PELI2: variants seen among roughly 807,000 people sequenced by gnomAD.
PELI2 encodes E3 ubiquitin-protein ligase pellino homolog 2.
Under a neutral mutation model 42.3 loss-of-function variants are expected in PELI2, and 23 were observed. The ratio of observed to expected loss-of-function variants is 0.54; its 90% CI spans 0.39 to 0.77. The LOEUF (loss-of-function observed/expected upper bound fraction) is 0.77. Among genes scored for constraint, PELI2 ranks in the 30% least tolerant of loss-of-function variants. The pLI, the probability that PELI2 is intolerant of heterozygous loss-of-function variation, is 0.00. For synonymous variants in PELI2, 245 were observed against 212.2 expected (o/e 1.15, Z -1.34); for missense variants, 463 against 553.2 (o/e 0.84, Z 1.64).
intron 1 of PELI2, among the ~76,000 whole-genome samples, chr14:56,167,431 G>C (rs1024107260): frequency 6.6e-6 from 1 of 151,844 alleles, no homozygotes; most frequent in African/African-American, 2.4e-5. Flanking sequence ...AAATTCTTCA[G>C]CTTGATCCAC....
At chr14:56,168,358 T>C (rs998163971) in intron 1 of PELI2, among the ~76,000 whole-genome samples, 2 of 152,174 alleles carry the variant, frequency 1.3e-5, no homozygotes, top group African/African-American at 4.8e-5. Context: ...TTCTATTTTA[T>C]TGTGGCTGAG....
intron 1 of PELI2, among the ~76,000 whole-genome samples, chr14:56,165,422 A>G (rs1280396204): frequency 6.6e-6 from 1 of 152,062 alleles, no homozygotes. Context: ...ATGTTTTAAG[A>G]CTTGTTTAAC....
chr14:56,178,589 G>T, intron 2 of PELI2, 125 bp downstream of exon 2: 2 of 1,104,146 alleles, frequency 1.8e-6, no homozygotes, highest in Non-Finnish European at 2.7e-6. Flanking sequence ...TTTGAGGCTG[G>T]ATAATGCTTT....
chr14:56,177,291 C>T (rs928384802), intron 1 of PELI2, among the ~76,000 whole-genome samples: 10 of 152,212 alleles, frequency 6.6e-5, no homozygotes, highest in Non-Finnish European at 8.8e-5. Flanking sequence ...CGGCCACTCC[C>T]TTCTGGGTGT....
intron 1 of PELI2, among the ~76,000 whole-genome samples, chr14:56,134,835 T>C (rs1883629808): frequency 1.3e-5 from 2 of 152,060 alleles, no homozygotes; most frequent in African/African-American, 4.8e-5. Flanking sequence ...AAACCATCTT[T>C]TTTGTGTTTT....
chr14:56,212,006 G>C lies in PELI2; in HGVS notation c.207+33542G>C, dbSNP rs527299573. Among the ~76,000 whole-genome samples, 104 of 152,280 alleles carry C rather than the reference G, an allele frequency of 6.8e-4. 3 individuals carry two copies. The South Asian group carries it at 0.021, about 31-fold the overall frequency. On this transcript the variant is annotated intron_variant, in intron 2 of 5. Coordinates refer to ENST00000267460, the MANE Select transcript of PELI2 (RefSeq NM_021255.3). ...GAGACCTTCATTTAGTCAGCACATT[G>C]TATCAAGAGCCTCTTATGTGCTGGG...
intron 2 of PELI2, among the ~76,000 whole-genome samples, chr14:56,199,099 A>G (rs955975163): frequency 2.6e-5 from 4 of 152,132 alleles, no homozygotes; most frequent in African/African-American, 7.2e-5. Flanking sequence ...TTTACCTTGT[A>G]TCTTTCCCCC....
rs865972622 is a variant in PELI2 at position 56,118,702 on chromosome 14, G to A, written c.42G>A (p.Lys14=). The A allele has an allele frequency of 6.5e-7, 1 of 1,529,284 alleles. No individual in the cohort carries two copies. The highest frequency in any genetic ancestry group is 8.8e-7 in the Non-Finnish European group (1 of 1,138,162). The allele number at this position is 1,529,284 out of a possible 1,614,324, so 94.7% of individuals were successfully genotyped here. Residue 14 remains lysine (K), a synonymous_variant, in exon 1 of 6, where the codon AAG becomes AAA. Coordinates refer to ENST00000267460, the MANE Select transcript of PELI2 (RefSeq NM_021255.3). ...PGQEEHCAPN[K]EPVKYGELVV... is the part of the protein sequence containing the mutation. ...AGGAGGAACACTGCGCCCCCAATAAGGAGCCAGTGAAATACGGGGAGCTGG... is the reference window on the plus strand; with the variant it reads ...AGGAGGAACACTGCGCCCCCAATAAAGAGCCAGTGAAATACGGGGAGCTGG...
chr14:56,255,576 A>G (rs537142230), intron 2 of PELI2, among the ~76,000 whole-genome samples: 1 of 152,314 alleles, frequency 6.6e-6, no homozygotes, highest in South Asian at 2.1e-4. Context: ...TAGCACATGT[A>G]TGCCTATGTA....
chr14:56,267,599 CA>C, intron 2 of PELI2, among the ~76,000 whole-genome samples: 1 of 152,096 alleles, frequency 6.6e-6, no homozygotes. Flanking sequence ...TACCAACTGC[CA>C]AAATATATTT....
chr14:56,149,616 A>G (rs1311976402), intron 1 of PELI2, among the ~76,000 whole-genome samples: 3 of 151,188 alleles, frequency 2.0e-5, no homozygotes, highest in Non-Finnish European at 4.4e-5. Flanking sequence ...TTTCTTTTTT[A>G]AAACTACATC....
At chr14:56,236,629 G>T (rs1887806075) in intron 2 of PELI2, among the ~76,000 whole-genome samples, 2 of 152,174 alleles carry the variant, frequency 1.3e-5, no homozygotes, top group Non-Finnish European at 2.9e-5. Context: ...CATATTTCTT[G>T]GAAGCCTATC....
At chr14:56,271,407 A>T (rs542662600) in intron 2 of PELI2, among the ~76,000 whole-genome samples, 1 of 152,230 alleles carries the variant, frequency 6.6e-6, no homozygotes, top group Admixed American at 6.5e-5. Context: ...ACACCTTGAC[A>T]TAGAAAGTTT....
chr14:56,253,665 G>A (rs1329947784), intron 2 of PELI2, among the ~76,000 whole-genome samples: 1 of 152,148 alleles, frequency 6.6e-6, no homozygotes, highest in Non-Finnish European at 1.5e-5. Flanking sequence ...ATCTCTTCAA[G>A]GAGAACTACA....
At chr14:56,188,885 C>T (rs953163967) in intron 2 of PELI2, among the ~76,000 whole-genome samples, 16 of 152,060 alleles carry the variant, frequency 1.1e-4, no homozygotes, top group Middle Eastern at 3.2e-3. Context: ...TTAGGCTGGT[C>T]GCAGTGGCTC....
chr14:56,232,538 A>G (rs36169953), intron 2 of PELI2, among the ~76,000 whole-genome samples: 60,925 of 151,594 alleles, frequency 0.4, 12,965 homozygotes, highest in South Asian at 0.53. Context: ...ATGCAGAAAA[A>G]GCCTTTGACA....
intron 1 of PELI2, among the ~76,000 whole-genome samples, chr14:56,152,834 A>G (rs998769914): frequency 2.6e-5 from 4 of 152,224 alleles, no homozygotes; most frequent in Non-Finnish European, 5.9e-5. Flanking sequence ...ACTGAAATTC[A>G]TTTCCAGTTG....
At chr14:56,277,960 A>C (rs1196816650) in intron 2 of PELI2, among the ~76,000 whole-genome samples, 1 of 152,172 alleles carries the variant, frequency 6.6e-6, no homozygotes, top group African/African-American at 2.4e-5. Flanking sequence ...ATAACCTTTA[A>C]AAGTATTTCC....
At chr14:56,156,054 T>A (rs533066281) in intron 1 of PELI2, among the ~76,000 whole-genome samples, 1 of 152,238 alleles carries the variant, frequency 6.6e-6, no homozygotes, top group African/African-American at 2.4e-5. Context: ...TTTCTGATTT[T>A]TAATTTAAGT....
Sources: allele counts gnomAD v4.1 joint callset (sites outside exome capture counted in the v4.1 genomes callset), GRCh38; gene constraint gnomAD v4.1.1; transcripts MANE v1.5; gene names NCBI Gene and HGNC (gene_info 2026-07-23, HGNC 2026-07-21).